Variants in PATJ observed in about 807,000 individuals in gnomAD.
PATJ encodes PATJ crumbs cell polarity complex component, also known as inaD-like protein.
Under a neutral mutation model 224.9 loss-of-function variants are expected in PATJ, and 190 were observed. That is an observed-to-expected ratio of 0.84 (90% CI 0.75 to 0.95). The LOEUF is 0.95. PATJ is among the 40% of genes least tolerant of loss of function. PATJ has a pLI of 0.00. For missense variants in PATJ, 2,121 were observed against 2,270.3 expected (o/e 0.93, Z 1.34); for synonymous variants, 769 against 820.3 (o/e 0.94, Z 1.07).
intron 32 of PATJ, among the ~76,000 whole-genome samples, chr1:62,080,153 A>C (rs1428992825): frequency 6.6e-6 from 1 of 152,184 alleles, no homozygotes; most frequent in Non-Finnish European, 1.5e-5. Flanking sequence ...CTCTTTAAAA[A>C]TCCTATCAAA....
intron 29 of PATJ, among the ~76,000 whole-genome samples, chr1:62,032,068 A>G (rs1264334511): frequency 6.6e-6 from 1 of 152,054 alleles, no homozygotes; most frequent in Non-Finnish European, 1.5e-5. Context: ...GTAGGTCAGA[A>G]TGCTGGCATG....
intron 28 of PATJ, among the ~76,000 whole-genome samples, chr1:62,007,636 A>C (rs1646170896): frequency 6.6e-6 from 1 of 152,246 alleles, no homozygotes; most frequent in African/African-American, 2.4e-5. Context: ...TGTCCCAGTC[A>C]GCTTGGGCTG....
intron 18 of PATJ, among the ~76,000 whole-genome samples, chr1:61,858,918 T>C (rs898944728): frequency 4.6e-5 from 7 of 152,168 alleles, no homozygotes; most frequent in Non-Finnish European, 1.5e-5. Context: ...TGACCTTTTG[T>C]GTATTTGGTG....
At chr1:61,808,143 TA>T (rs1653958241) in intron 13 of PATJ, among the ~76,000 whole-genome samples, 1 of 152,170 alleles carries the variant, frequency 6.6e-6, no homozygotes, top group Non-Finnish European at 1.5e-5. Flanking sequence ...GTCAAAAGAG[TA>T]AAATTTTTAT....
At chr1:62,129,357 GCATAGATTGCCAACA>G (rs375088298) in intron 41 of PATJ, among the ~76,000 whole-genome samples, 205 of 152,254 alleles carry the variant, frequency 1.3e-3, no homozygotes, top group African/African-American at 4.7e-3. Flanking sequence ...TTTTCCTTTA[GCATAGATTGCCAACA>G]CTGTTAAATT....
chr1:61,995,816 A>G (rs1353092680), intron 28 of PATJ, among the ~76,000 whole-genome samples: 1 of 152,242 alleles, frequency 6.6e-6, no homozygotes, highest in Non-Finnish European at 1.5e-5. Flanking sequence ...TTAGTCCCGG[A>G]AAATGCACAG....
intron 30 of PATJ, among the ~76,000 whole-genome samples, chr1:62,050,139 T>C (rs981435429): frequency 7.3e-6 from 1 of 136,130 alleles, no homozygotes; most frequent in Non-Finnish European, 1.6e-5. Flanking sequence ...AAAAAAAAAA[T>C]TCATTTATTA....
At chr1:62,136,434 T>C (rs1570756395) in intron 41 of PATJ, among the ~76,000 whole-genome samples, 1 of 143,494 alleles carries the variant, frequency 7.0e-6, no homozygotes, top group Admixed American at 6.9e-5. Context: ...AGCTGTGCTT[T>C]CTATTTCAGT....
rs1676009749 is a variant in PATJ, at chr1:61,931,402, T to TA, written c.3670+3579dup. ...TTAAAAATAAATTTTAAAACAAAAA[T>TA]AAAAAATAAAAACAAAACATGATAG... On this transcript the variant is annotated intron_variant, in intron 27 of 43. Coordinates refer to ENST00000642238, the MANE Select transcript of PATJ (RefSeq NM_001350145.3). 2.0e-5 allele frequency among the ~76,000 whole-genome samples: 3 copies of TA among 151,954 alleles called. No homozygotes were observed. The South Asian group carries it at 6.2e-4, about 32-fold the overall frequency.
chr1:62,080,000 C>A (rs1003180673), intron 32 of PATJ, among the ~76,000 whole-genome samples: 9 of 151,272 alleles, frequency 5.9e-5, no homozygotes, highest in Admixed American at 4.6e-4. Flanking sequence ...TGCACTCCAG[C>A]CTGGGTGACA....
intron 17 of PATJ, among the ~76,000 whole-genome samples, chr1:61,850,803 ACATACCTACCT>A (rs1557754988): frequency 6.6e-6 from 1 of 152,218 alleles, no homozygotes; most frequent in Non-Finnish European, 1.5e-5. Context: ...TAATGTTGGT[ACATACCTACCT>A]CATGATGGTG....
rs565765060 is a variant in PATJ at position 62,158,686 on chromosome 1, A to G, written c.5503-2222A>G. 2.3e-4 allele frequency among the ~76,000 whole-genome samples: 32 copies of G among 138,530 alleles called. 1 individual carries two copies. Among genetic ancestry groups the G allele is most frequent in the African/African-American group, 8.3e-4 (31 of 37,362 alleles). The allele number at this position is 138,530 out of a possible 152,430, so 90.9% of individuals were successfully genotyped here. ...CAGTGAGCCGAGATTGCACCACTGC[A>G]TTCCAGCCTGGGCGACAGAGCGAGA... On this transcript the variant is annotated intron_variant, in intron 43 of 43. Transcript: ENST00000642238.
chr1:62,072,596 G>A (rs1235735716), intron 31 of PATJ: 1 of 151,722 alleles, frequency 6.6e-6, no homozygotes, highest in Non-Finnish European at 1.5e-5. Context: ...CTCCTGGGAG[G>A]AGGGACCACC....
At chr1:61,914,510 A>T in intron 25 of PATJ, 77 bp from the exon 26 acceptor site, 1 of 678,020 alleles carries the variant, frequency 1.5e-6, no homozygotes, top group Non-Finnish European at 2.6e-6. Context: ...TCCATTGTGG[A>T]ATGTCAAGAG....
chr1:62,134,204 C>CTTTTT (rs71050201), intron 41 of PATJ, among the ~76,000 whole-genome samples: 1 of 124,002 alleles, frequency 8.1e-6, no homozygotes. Context: ...GTACTCTCGT[C>CTTTTT]TTTTTTTTTT....
chr1:61,950,108 G>A (rs563968546), intron 27 of PATJ, among the ~76,000 whole-genome samples: 1 of 152,176 alleles, frequency 6.6e-6, no homozygotes, highest in Admixed American at 6.5e-5. Context: ...GGAGGTTGAG[G>A]CAGGAGAATC....
intron 27 of PATJ, among the ~76,000 whole-genome samples, chr1:61,933,637 T>C (rs1676370712): frequency 6.6e-6 from 1 of 152,206 alleles, no homozygotes; most frequent in South Asian, 2.1e-4. Flanking sequence ...AGTCTTCTTT[T>C]CTAACTTTAA....
chr1:62,011,997 A>G (rs539135392), intron 28 of PATJ, among the ~76,000 whole-genome samples: 2 of 151,960 alleles, frequency 1.3e-5, no homozygotes, highest in African/African-American at 4.8e-5. Flanking sequence ...ACTTCACTCC[A>G]GTCTGAATGA....
At chr1:62,051,252 C>T (rs1377807822) in intron 31 of PATJ, among the ~76,000 whole-genome samples, 194 bp downstream of exon 31, 1 of 152,170 alleles carries the variant, frequency 6.6e-6, no homozygotes, top group Non-Finnish European at 1.5e-5. Flanking sequence ...CTTGGCAACA[C>T]TTGAATTGTG....
Sources: allele counts gnomAD v4.1 joint callset (sites outside exome capture counted in the v4.1 genomes callset), GRCh38; gene constraint gnomAD v4.1.1; transcripts MANE v1.5; gene names NCBI Gene and HGNC (gene_info 2026-07-23, HGNC 2026-07-21).